The following NSF variants were observed in gnomAD, a reference collection of about 807,000 sequenced individuals.
NSF encodes N-ethylmaleimide sensitive factor, vesicle fusing ATPase.
Under a neutral mutation model 50.3 loss-of-function variants are expected in NSF, and 14 were observed. The observed-to-expected ratio is 0.28, with a 90% CI of 0.18 to 0.44. NSF has a LOEUF of 0.44. NSF is among the 20% of genes least tolerant of loss of function. NSF has a pLI of 1.00. For synonymous variants in NSF, 109 were observed against 175.7 expected, an observed-to-expected ratio of 0.62 and a Z score of 3.00; for missense variants, 218 against 504.3, an observed-to-expected ratio of 0.43 and a Z score of 5.44.
intron 17 of NSF, among the ~76,000 whole-genome samples, chr17:46,731,059 A>G (rs1209523408): frequency 1.3e-5 from 2 of 152,308 alleles, no homozygotes; most frequent in East Asian, 1.9e-4. Flanking sequence ...ATATGTCCAC[A>G]TGAAAGCTTG....
intron 16 of NSF, 75 bp from the exon 17 acceptor site, chr17:46,728,780 A>C (rs1207379724): frequency 5.4e-5 from 61 of 1,130,300 alleles, no homozygotes; most frequent in East Asian, 3.0e-4. Flanking sequence ...ATGCAAAAAA[A>C]AAAAACAAAA....
chr17:46,741,978 A>C (rs762954677), intron 17 of NSF, among the ~76,000 whole-genome samples: 15 of 152,050 alleles, frequency 9.9e-5, no homozygotes, highest in Non-Finnish European at 1.6e-4. Flanking sequence ...CTAGTCTCCA[A>C]CTCCTGACCT....
intron 13 of NSF, among the ~76,000 whole-genome samples, chr17:46,707,592 A>G (rs1173857036): frequency 6.6e-6 from 1 of 152,072 alleles, no homozygotes; most frequent in Admixed American, 6.6e-5. Context: ...CATCTTTATG[A>G]ATTTCAGTAA....
intron 13 of NSF, among the ~76,000 whole-genome samples, chr17:46,707,530 A>G (rs958970752): frequency 5.9e-5 from 9 of 152,120 alleles, no homozygotes; most frequent in Non-Finnish European, 4.4e-5. Flanking sequence ...CCATTAAATA[A>G]TAACTCTTTT....
intron 15 of NSF, among the ~76,000 whole-genome samples, chr17:46,717,936 C>A (rs2058790284): frequency 1.3e-5 from 2 of 152,172 alleles, no homozygotes; most frequent in Non-Finnish European, 2.9e-5. Context: ...CAACAAAGAC[C>A]CTGGCCCAGA....
intron 19 of NSF, among the ~76,000 whole-genome samples, chr17:46,751,883 A>G (rs1002127799): frequency 6.6e-6 from 1 of 152,230 alleles, no homozygotes; most frequent in African/African-American, 2.4e-5. Flanking sequence ...ACTAGAAAAG[A>G]CTTCAAAGAG....
In NSF at chr17:46,713,781, A is replaced by C. The variant is rs201786081; in HGVS notation, c.1628-72A>C. On this transcript the variant is annotated intron_variant, in intron 14 of 20. Transcript: ENST00000398238. Reference sequence around the variant, plus strand: ...GAGACCTCAGTATGTTCTGGATAAAAGTTTAAACTTGTTTTATTTCCCTTT... The same window carrying C: ...GAGACCTCAGTATGTTCTGGATAAACGTTTAAACTTGTTTTATTTCCCTTT... 2.5e-4 allele frequency: 369 copies of C among 1,482,684 alleles called. 2 individuals are homozygous for C. The highest frequency in any genetic ancestry group is 1.7e-3 in the South Asian group (136 of 80,650). The allele number at this position is 1,482,684 out of a possible 1,614,324, so 91.8% of individuals were successfully genotyped here.
At chr17:46,749,702 G>C in intron 17 of NSF, 71 bp from the exon 18 acceptor site, 1 of 1,398,332 alleles carries the variant, frequency 7.2e-7, no homozygotes, top group Non-Finnish European at 9.6e-7. Flanking sequence ...TGCAAATTGT[G>C]TTCAAGCTTA....
At chr17:46,612,126 A>G (rs1037635819) in intron 1 of NSF, among the ~76,000 whole-genome samples, 1 of 70,040 alleles carries the variant, frequency 1.4e-5, no homozygotes, top group Non-Finnish European at 2.6e-5. Flanking sequence ...GCACATGACA[A>G]GATCTTCAAC....
At chr17:46,676,084 A>G (rs1330368798) in intron 9 of NSF, among the ~76,000 whole-genome samples, 1 of 132,738 alleles carries the variant, frequency 7.5e-6, no homozygotes, top group Non-Finnish European at 1.5e-5. Flanking sequence ...TACAGTGTGG[A>G]CTAGGAACTG....
chr17:46,595,903 T>G (rs1435316093), intron 1 of NSF, among the ~76,000 whole-genome samples: 1 of 139,232 alleles, frequency 7.2e-6, no homozygotes, highest in Non-Finnish European at 1.5e-5. Context: ...GTGTTCAAAT[T>G]TTGTAGCTCC....
At position 46,749,772 on chromosome 17, in the gene NSF, G is replaced by A. The variant is rs758661461; in HGVS notation, c.1909-1G>A. ...TTAACACATTTTCTCCCTATGATCA[G>A]GGCCGCAAGCTTCTTATCATTGGGA... On this transcript the variant is annotated splice_acceptor_variant, in intron 17 of 20. Coordinates refer to ENST00000398238, the MANE Select transcript of NSF (RefSeq NM_006178.4). LOFTEE classifies it high-confidence loss of function. The A allele has an allele frequency of 3.1e-6, 5 of 1,612,900 alleles. No homozygotes were observed. Among genetic ancestry groups the A allele is most frequent in the Non-Finnish European group, 4.2e-6 (5 of 1,179,238 alleles).
At chr17:46,707,670 T>C (rs1385521336) in intron 13 of NSF, among the ~76,000 whole-genome samples, 1 of 152,188 alleles carries the variant, frequency 6.6e-6, no homozygotes, top group African/African-American at 2.4e-5. Context: ...TGACGTAGCA[T>C]AATGTCCTCA....
chr17:46,728,457 C>G (rs998198093), intron 16 of NSF, among the ~76,000 whole-genome samples: 2 of 151,790 alleles, frequency 1.3e-5, no homozygotes, highest in Admixed American at 1.3e-4. Flanking sequence ...TATTTAGAAG[C>G]TTTTTCAAAA....
At chr17:46,728,417 G>GA (rs899860344) in intron 16 of NSF, among the ~76,000 whole-genome samples, 1 of 151,598 alleles carries the variant, frequency 6.6e-6, no homozygotes, top group Non-Finnish European at 1.5e-5. Context: ...AATAATCCCA[G>GA]AAAAAACATC....
At position 46,657,974 on chromosome 17, in the gene NSF, T is replaced by TA. The variant is rs1191966175; in HGVS notation, c.745+14715_745+14716insA. ...TGTTTTTATTTTATTTTATTTATTT[T>TA]TTTTTTTTTTGGCGGGGTGGGGTCT... On this transcript the variant is annotated intron_variant, in intron 8 of 20. Coordinates refer to ENST00000398238, the MANE Select transcript of NSF (RefSeq NM_006178.4). Among the ~76,000 whole-genome samples the TA allele has an allele frequency of 3.7e-4, 5 of 13,470 alleles. 1 individual carries two copies. Among genetic ancestry groups the TA allele is most frequent in the South Asian group, 2.9e-3 (1 of 340 alleles). The allele number at this position is 13,470 out of a possible 152,430, so 8.8% of individuals were successfully genotyped here.
chr17:46,724,036 C>G (rs932462395), intron 15 of NSF, among the ~76,000 whole-genome samples: 7 of 152,162 alleles, frequency 4.6e-5, no homozygotes, highest in Non-Finnish European at 1.0e-4. Context: ...GCATTGACAC[C>G]AACACCACTT....
At chr17:46,726,095 A>G (rs767333785) in intron 15 of NSF, among the ~76,000 whole-genome samples, 22 of 152,118 alleles carry the variant, frequency 1.4e-4, no homozygotes, top group Non-Finnish European at 2.6e-4. Flanking sequence ...TTTTACCATT[A>G]TGGTCTGATT....
At chr17:46,727,058 C>T (rs535872415) in intron 16 of NSF, among the ~76,000 whole-genome samples, 103 of 152,288 alleles carry the variant, frequency 6.8e-4, no homozygotes, top group Non-Finnish European at 1.1e-3. Context: ...CTCTGCACCT[C>T]AGTTTCTGCT....
Sources: gnomAD v4.1 joint callset for allele counts (sites outside exome capture counted in the v4.1 genomes callset) on GRCh38, gnomAD v4.1.1 for gene constraint, MANE v1.5 for transcripts, NCBI Gene and HGNC (gene_info 2026-07-23, HGNC 2026-07-21) for gene names.